The following PLXNC1 variants were observed in gnomAD, a reference collection of about 807,000 sequenced individuals.
PLXNC1 encodes plexin-C1.
Under a neutral mutation model 178.2 loss-of-function variants are expected in PLXNC1, and 75 were observed. The ratio of observed to expected loss-of-function variants is 0.42; its 90% confidence interval spans 0.35 to 0.51. PLXNC1 has a LOEUF of 0.51. Ranked by LOEUF, PLXNC1 falls within the 20% of genes least tolerant of loss-of-function variation. PLXNC1 has a pLI of 0.02. For missense variants in PLXNC1, 1,503 were observed against 1,984.4 expected (o/e 0.76, Z 4.61); for synonymous variants, 790 against 779.9 (o/e 1.01, Z -0.22).
At chr12:94,301,119 T>C in intron 28 of PLXNC1, 62 bp downstream of exon 28, 3 of 1,461,862 alleles carry the variant, frequency 2.1e-6, no homozygotes, top group Non-Finnish European at 2.9e-6. Context: ...CTTGTCTTTC[T>C]GATAAGCATT....
At chr12:94,155,026 T>C (rs753062589) in intron 1 of PLXNC1, among the ~76,000 whole-genome samples, 1 of 152,238 alleles carries the variant, frequency 6.6e-6, no homozygotes, top group Non-Finnish European at 1.5e-5. Flanking sequence ...ATTGTCTTTT[T>C]CTTAATGCCT....
intron 1 of PLXNC1, among the ~76,000 whole-genome samples, chr12:94,166,952 T>C (rs1197470859): frequency 6.6e-6 from 1 of 152,020 alleles, no homozygotes; most frequent in African/African-American, 2.4e-5. Flanking sequence ...TCTGTAGAGA[T>C]GGGGGTCTTG....
chr12:94,195,384 G>A (rs571096238), intron 4 of PLXNC1, among the ~76,000 whole-genome samples: 19 of 152,234 alleles, frequency 1.2e-4, no homozygotes, highest in Non-Finnish European at 1.5e-5. Context: ...TCCCCACTGG[G>A]AGAGGTAGTA....
intron 10 of PLXNC1, among the ~76,000 whole-genome samples, chr12:94,239,955 A>T (rs556758047): frequency 3.3e-5 from 5 of 152,230 alleles, no homozygotes; most frequent in Admixed American, 6.5e-5. Context: ...ACATAATACA[A>T]GAGAGATGAG....
At chr12:94,252,218 C>T (rs1209165862) in intron 15 of PLXNC1, among the ~76,000 whole-genome samples, 2 of 152,106 alleles carry the variant, frequency 1.3e-5, no homozygotes, top group African/African-American at 4.8e-5. Flanking sequence ...CCCCCACCAC[C>T]CATCACCCCA....
intron 3 of PLXNC1, among the ~76,000 whole-genome samples, chr12:94,184,292 AT>A (rs758076836): frequency 4.1e-3 from 576 of 142,152 alleles, no homozygotes; most frequent in East Asian, 1.0e-2. Flanking sequence ...TAATTTTTGT[AT>A]TTTTTTTTTT....
chr12:94,246,305 C>T (rs1964527990), intron 12 of PLXNC1, among the ~76,000 whole-genome samples: 1 of 152,220 alleles, frequency 6.6e-6, no homozygotes, highest in African/African-American at 2.4e-5. Flanking sequence ...TCCACAGTCT[C>T]TCTGGGCTGA....
At chr12:94,225,247 A>C (rs936686946) in intron 7 of PLXNC1, among the ~76,000 whole-genome samples, 1 of 152,160 alleles carries the variant, frequency 6.6e-6, no homozygotes, top group African/African-American at 2.4e-5. Context: ...AGTGCTGTAG[A>C]TCACTGCATA....
intron 21 of PLXNC1, among the ~76,000 whole-genome samples, chr12:94,269,129 G>C (rs1366965251): frequency 1.3e-5 from 2 of 152,176 alleles, no homozygotes; most frequent in Non-Finnish European, 2.9e-5. Flanking sequence ...GAATTAGCAA[G>C]AGAAGGTTGA....
chr12:94,232,535 G>C (rs1289843575), intron 9 of PLXNC1, among the ~76,000 whole-genome samples: 2 of 152,228 alleles, frequency 1.3e-5, no homozygotes, highest in African/African-American at 2.4e-5. Context: ...GCCGGGTACT[G>C]TAGAATTAAC....
intron 9 of PLXNC1, among the ~76,000 whole-genome samples, chr12:94,228,036 C>A (rs1209719587): frequency 1.3e-5 from 2 of 152,172 alleles, no homozygotes; most frequent in African/African-American, 4.8e-5. Context: ...TTTTCCATTT[C>A]TCTAATCTGT....
rs756125606 is a variant in PLXNC1 at position 94,265,237 on chromosome 12, A to G, written c.3597+12A>G. 6.3e-7 allele frequency: 1 copy of G among 1,587,574 alleles called. No individual in the cohort carries two copies. The highest frequency in any genetic ancestry group is 1.1e-5 in the South Asian group (1 of 89,528). On this transcript the variant is annotated intron_variant, in intron 21 of 30. Transcript: ENST00000258526. ...AATTCAGTACTGTGGTATGTTTTCA[A>G]TAAAGCTCCCAGCCAGACTCCCAAA...
intron 4 of PLXNC1, among the ~76,000 whole-genome samples, chr12:94,206,420 T>G (rs1327716528): frequency 1.3e-5 from 2 of 152,140 alleles, no homozygotes; most frequent in Non-Finnish European, 2.9e-5. Flanking sequence ...TTTCATTGAC[T>G]GAATTGTTTC....
intron 22 of PLXNC1, chr12:94,279,966 C>A (rs115808295): frequency 0.011 from 4,966 of 456,906 alleles, 208 homozygotes; most frequent in African/African-American, 0.09. Context: ...TCATGAAATA[C>A]AGAAAGGTGT....
chr12:94,271,038 T>C (rs1217403046), intron 21 of PLXNC1, among the ~76,000 whole-genome samples: 5 of 152,240 alleles, frequency 3.3e-5, no homozygotes, highest in Admixed American at 3.3e-4. Context: ...ACTGGCCTCA[T>C]GCTGCTTCTA....
In PLXNC1 at chr12:94,260,054, C is replaced by T. The variant is rs990818321; in HGVS notation, c.3251+320C>T. On this transcript the variant is annotated intron_variant, in intron 19 of 30. Transcript: ENST00000258526. This position sits in a 1 kb window ranked among gnomAD's most constrained non-coding sequence, Gnocchi z 4.4. ...TCTCTCCATTTTAGATCATACCACC[C>T]CAACACAATTTTTTTGTTGTTGTTG... Among the ~76,000 whole-genome samples the T allele has an allele frequency of 6.6e-6, 1 of 152,130 alleles. No individual in the cohort carries two copies. Among genetic ancestry groups the T allele is most frequent in the Non-Finnish European group, 1.5e-5 (1 of 68,042 alleles).
intron 4 of PLXNC1, among the ~76,000 whole-genome samples, chr12:94,198,933 G>A (rs1228024712): frequency 1.3e-5 from 2 of 152,164 alleles, no homozygotes; most frequent in Non-Finnish European, 2.9e-5. Context: ...GTTCTGATGG[G>A]CACGAATTTG....
At chr12:94,151,282 C>A (rs1960952818) in intron 1 of PLXNC1, among the ~76,000 whole-genome samples, 1 of 152,020 alleles carries the variant, frequency 6.6e-6, no homozygotes, top group African/African-American at 2.4e-5. Flanking sequence ...TCTTTCTCTG[C>A]AAAGCACATC....
At chr12:94,296,429 G>A (rs1182315397) in intron 24 of PLXNC1, among the ~76,000 whole-genome samples, 1 of 152,158 alleles carries the variant, frequency 6.6e-6, no homozygotes, top group Non-Finnish European at 1.5e-5. Context: ...CCAAAGTGCT[G>A]GGATTACAGA....
Sources: allele counts gnomAD v4.1 joint callset (sites outside exome capture counted in the v4.1 genomes callset), GRCh38; gene constraint gnomAD v4.1.1; non-coding constraint Gnocchi (gnomAD v3.1); transcripts MANE v1.5; gene names NCBI Gene and HGNC (gene_info 2026-07-23, HGNC 2026-07-21).